CAP1: variants seen among roughly 807,000 people sequenced by gnomAD.
CAP1 encodes the protein cyclase associated actin cytoskeleton regulatory protein 1.
Under a neutral mutation model 58.2 loss-of-function variants are expected in CAP1, and 11 were observed. The observed-to-expected ratio is 0.19, with a 90% CI of 0.12 to 0.31. The LOEUF (loss-of-function observed/expected upper bound fraction) is 0.31, where lower values mean the gene tolerates loss of function less well. Among genes scored for constraint, CAP1 ranks in the 10% least tolerant of loss-of-function variants. The pLI, the probability that CAP1 is intolerant of heterozygous loss-of-function variation, is 1.00. For synonymous variants in CAP1, 183 were observed against 213.8 expected, an observed-to-expected ratio of 0.86 and a Z score of 1.26; for missense variants, 423 against 587.5, an observed-to-expected ratio of 0.72 and a Z score of 2.89.
intron 4 of CAP1, 138 bp downstream of exon 4, chr1:40,061,950 A>T: frequency 7.1e-6 from 5 of 702,770 alleles, no homozygotes; most frequent in Non-Finnish European, 1.0e-5. Flanking sequence ...TCCCAGAGGT[A>T]GAGCCATACT....
At chr1:40,042,427 T>C (rs1254095250) in intron 1 of CAP1, among the ~76,000 whole-genome samples, 1 of 152,098 alleles carries the variant, frequency 6.6e-6, no homozygotes, top group African/African-American at 2.4e-5. Context: ...TTTAGCTACA[T>C]AGGGAATCCG....
rs145869294 is a variant in CAP1, at chr1:40,040,782, A to C, written c.-30A>C. 2.0e-5 allele frequency: 3 copies of C among 153,032 alleles called. No individual in the cohort carries two copies. Among genetic ancestry groups the C allele is most frequent in the Non-Finnish European group, 4.4e-5 (3 of 68,384 alleles). 9.5% of individuals were successfully genotyped at this position (153,032 alleles called of 1,614,324 possible). A position where few individuals can be genotyped will look rare whatever the true frequency, so the allele number is the denominator to read the frequency against. ...CGGAGAGCGGCTGATCGCAGTCCGG[A>C]GGTGAGGCGGAACTCTGAGGTGAGG... On this transcript the variant is annotated 5_prime_UTR_variant, in exon 1 of 13. Transcript: ENST00000372805.
intron 1 of CAP1, among the ~76,000 whole-genome samples, chr1:40,058,923 A>C (rs1030026925): frequency 5.3e-5 from 8 of 152,134 alleles, no homozygotes. Context: ...ACTGAAACTA[A>C]GTTTTCTATC....
chr1:40,044,385 GC>G (rs1188919613), intron 1 of CAP1, among the ~76,000 whole-genome samples: 1 of 152,148 alleles, frequency 6.6e-6, no homozygotes, highest in East Asian at 1.9e-4. Context: ...GAGTTCTCGA[GC>G]GGTATCTTAC....
rs781692973 is a variant in CAP1 at position 40,072,323 on chromosome 1, G to A, written c.*790G>A. The A allele has an allele frequency of 1.9e-5, 7 of 362,374 alleles. No individual in the cohort carries two copies. Among genetic ancestry groups the A allele is most frequent in the South Asian group, 1.5e-4 (1 of 6,700 alleles). 22.4% of individuals were successfully genotyped at this position (362,374 alleles called of 1,614,324 possible). A position where few individuals can be genotyped will look rare whatever the true frequency, so the allele number is the denominator to read the frequency against. On this transcript the variant is annotated 3_prime_UTR_variant, in exon 13 of 13. Transcript: ENST00000372805. ...TTCCTGAATCCTTCTTCCCTGCCAGGTGCCTGTCACCTGTCTTCACTGCCT... is the reference window on the plus strand; with the variant it reads ...TTCCTGAATCCTTCTTCCCTGCCAGATGCCTGTCACCTGTCTTCACTGCCT...
Position 40,070,977 on chromosome 1 carries a change from T to A in CAP1, c.1342T>A (p.Phe448Ile). The change falls in exon 12 of 13, where the codon TTT becomes ATT. Residue 448 changes from phenylalanine to isoleucine, a missense_variant and splice_region_variant. By Grantham distance (21) the Phe-to-Ile change is conservative (BLOSUM62 0). Coordinates refer to ENST00000372805, the MANE Select transcript of CAP1 (RefSeq NM_006367.4). ...CCTCATTCCTACAGAAGGCGGTGAC[T>A]TTGTAAGTTTCTTGATCTCTTTAGT... ...NVLIPTEGGD[F>I]NEFPVPEQFK... 8 of 1,609,150 alleles carry A rather than the reference T, an allele frequency of 5.0e-6. No individual in the cohort carries two copies. Among genetic ancestry groups the A allele is most frequent in the Non-Finnish European group, 6.8e-6 (8 of 1,178,216 alleles).
In CAP1 at chr1:40,042,186, G is replaced by T. The variant is rs61781872; in HGVS notation, c.-11+1385G>T. ...TCCACCGTGCCCGGCCCCACCAGACGTTTATTAAGACCTTAATATGTATGA... is the reference window on the plus strand; with the variant it reads ...TCCACCGTGCCCGGCCCCACCAGACTTTTATTAAGACCTTAATATGTATGA... On this transcript the variant is annotated intron_variant, in intron 1 of 12. Coordinates refer to ENST00000372805, the MANE Select transcript of CAP1 (RefSeq NM_006367.4). Among the ~76,000 whole-genome samples, 595 of 152,264 alleles carry T rather than the reference G, an allele frequency of 3.9e-3. 16 individuals are homozygous for T. The highest frequency in any genetic ancestry group is 0.037 in the East Asian group (190 of 5,186).
chr1:40,070,522 T>C lies in CAP1; in HGVS notation c.1200+10T>C. 6.9e-6 allele frequency: 11 copies of C among 1,605,122 alleles called. No individual in the cohort carries two copies. The highest frequency in any genetic ancestry group is 9.4e-6 in the Non-Finnish European group (11 of 1,171,810). On this transcript the variant is annotated intron_variant, in intron 11 of 12. Transcript: ENST00000372805. Reference sequence around the variant, plus strand: ...GGATGTCAAAGTTCAGGTAACTCGATATTTTGGCTCCTTCTTTTTGTCCCT... The same window carrying C: ...GGATGTCAAAGTTCAGGTAACTCGACATTTTGGCTCCTTCTTTTTGTCCCT...
chr1:40,064,622 G>A lies in CAP1; in HGVS notation c.524+63G>A, dbSNP rs1256727763. On this transcript the variant is annotated intron_variant, in intron 6 of 12. Coordinates refer to ENST00000372805, the MANE Select transcript of CAP1 (RefSeq NM_006367.4). ...GACAGTGTCTTGCGTTGTCACCCAG[G>A]CTGAAGTACAGTGGCACAATCACAG... The A allele has an allele frequency of 2.4e-6, 3 of 1,273,028 alleles. No individual in the cohort carries two copies. The Admixed American group carries it at 5.2e-5, about 22-fold the overall frequency. The allele number at this position is 1,273,028 out of a possible 1,614,324, so 78.9% of individuals were successfully genotyped here.
intron 1 of CAP1, among the ~76,000 whole-genome samples, chr1:40,054,538 G>A (rs1646529494): frequency 6.6e-6 from 1 of 152,112 alleles, no homozygotes; most frequent in Non-Finnish European, 1.5e-5. Flanking sequence ...CTTGCCTTAG[G>A]GTGGCTAGTT....
intron 1 of CAP1, among the ~76,000 whole-genome samples, chr1:40,053,117 G>A (rs1261186710): frequency 3.3e-5 from 5 of 152,228 alleles, no homozygotes; most frequent in African/African-American, 7.2e-5. Flanking sequence ...CCAGCTACTC[G>A]GGAAGCTGAG....
chr1:40,072,261 A>AT lies in CAP1; in HGVS notation c.*728_*729insT, dbSNP rs1553165762. 1.0e-5 allele frequency: 3 copies of AT among 289,820 alleles called. No homozygotes were observed. The highest frequency in any genetic ancestry group is 1.7e-5 in the Non-Finnish European group (3 of 171,542). 18.0% of individuals were successfully genotyped at this position (289,820 alleles called of 1,614,324 possible). ...GAGATGACTTTAAAAGGAAAAAAAA[A>AT]AAAAAAAAAACCCACATGATTTCAA... On this transcript the variant is annotated 3_prime_UTR_variant, in exon 13 of 13. Coordinates refer to ENST00000372805, the MANE Select transcript of CAP1 (RefSeq NM_006367.4).
At chr1:40,071,332 T>A (rs1252141632) in intron 12 of CAP1, 118 bp from the exon 13 acceptor site, 9 of 695,968 alleles carry the variant, frequency 1.3e-5, no homozygotes, top group Non-Finnish European at 2.2e-5. Context: ...TGTCTCTTGC[T>A]ACATTGTACC....
chr1:40,059,983 C>T, intron 2 of CAP1, 84 bp from the exon 3 acceptor site: 1 of 1,088,796 alleles, frequency 9.2e-7, no homozygotes, highest in Non-Finnish European at 1.4e-6. Flanking sequence ...TATTACCTTG[C>T]CTCCCCACTT....
At chr1:40,067,417 T>G in intron 7 of CAP1, 123 bp from the exon 8 acceptor site, 1 of 777,704 alleles carries the variant, frequency 1.3e-6, no homozygotes, top group Non-Finnish European at 2.0e-6. Flanking sequence ...GTAGGACACA[T>G]TAATCATTGC....
At chr1:40,069,498 T>C in intron 8 of CAP1, 192 bp from the exon 9 acceptor site, 3 of 605,988 alleles carry the variant, frequency 5.0e-6, no homozygotes, top group Non-Finnish European at 8.8e-6. Flanking sequence ...ATGTTGTTGT[T>C]AATGGAACCA....
chr1:40,054,936 G>A (rs1305967599), intron 1 of CAP1, among the ~76,000 whole-genome samples: 3 of 152,158 alleles, frequency 2.0e-5, no homozygotes, highest in African/African-American at 4.8e-5. Flanking sequence ...GATTACAGGC[G>A]TGAGCCACCA....
chr1:40,071,937 A>C lies in CAP1; in HGVS notation c.*404A>C. 1 of 410,466 alleles carries C rather than the reference A, an allele frequency of 2.4e-6. No homozygotes were observed. Among genetic ancestry groups the C allele is most frequent in the East Asian group, 3.5e-5 (1 of 28,638 alleles). 25.4% of individuals were successfully genotyped at this position (410,466 alleles called of 1,614,324 possible). On this transcript the variant is annotated 3_prime_UTR_variant, in exon 13 of 13. Coordinates refer to ENST00000372805, the MANE Select transcript of CAP1 (RefSeq NM_006367.4). ...AATCTTTTTTTAACAATGAGCATGA[A>C]GGTAGCAGAAGCTGGTGTGTTTCCA...
rs71060347 is a variant in CAP1 at position 40,044,788 on chromosome 1, CTTTTTTTTTTTT to C, written c.-11+4002_-11+4013del. Among the ~76,000 whole-genome samples the C allele has an allele frequency of 1.1e-4, 9 of 85,246 alleles. No homozygotes were observed. The South Asian group carries it at 1.4e-3, about 13-fold the overall frequency. 55.9% of individuals were successfully genotyped at this position (85,246 alleles called of 152,430 possible). ...AATTGACATTTTGGGCCATATAATT[CTTTTTTTTTTTT>C]TTTTTTTTTTTTTTGAGACAGAGTC... On this transcript the variant is annotated intron_variant, in intron 1 of 12. Coordinates refer to ENST00000372805, the MANE Select transcript of CAP1 (RefSeq NM_006367.4).
Sources: allele counts gnomAD v4.1 joint callset (sites outside exome capture counted in the v4.1 genomes callset), GRCh38; gene constraint gnomAD v4.1.1; transcripts MANE v1.5; gene names NCBI Gene and HGNC (gene_info 2026-07-23, HGNC 2026-07-21).